Variants in CNTN4 observed in about 807,000 individuals in gnomAD.
CNTN4 encodes contactin 4, also known as contactin-4.
In CNTN4, 77 loss-of-function variants were observed where a neutral mutation model predicts 122.5. The ratio of observed to expected loss-of-function variants is 0.63; its 90% CI spans 0.52 to 0.76. The LOEUF (loss-of-function observed/expected upper bound fraction) is 0.76. CNTN4 is among the 30% of genes least tolerant of loss of function. The pLI, the probability that CNTN4 is intolerant of heterozygous loss-of-function variation, is 0.00. For synonymous variants in CNTN4, 512 were observed against 447.0 expected (o/e 1.15, Z -1.83); for missense variants, 1,256 against 1,259.1 (o/e 1.00, Z 0.04).
chr3:2,338,977 C>T (rs898611397), intron 2 of CNTN4, among the ~76,000 whole-genome samples: 5 of 150,436 alleles, frequency 3.3e-5, no homozygotes, highest in Admixed American at 6.6e-5. Flanking sequence ...GGAGGCAAGG[C>T]GGAGAATGGA....
At chr3:2,310,622 A>G (rs1484572365) in intron 2 of CNTN4, among the ~76,000 whole-genome samples, 1 of 152,110 alleles carries the variant, frequency 6.6e-6, no homozygotes, top group African/African-American at 2.4e-5. Context: ...AACCTACACC[A>G]TTACTTGTTC....
chr3:2,705,969 A>G (rs963565224), intron 4 of CNTN4, among the ~76,000 whole-genome samples: 30 of 133,390 alleles, frequency 2.2e-4, no homozygotes, highest in African/African-American at 7.8e-4. Context: ...TATATAAAAT[A>G]TATATTATAT....
chr3:2,651,238 T>G (rs1488534499), intron 4 of CNTN4, among the ~76,000 whole-genome samples: 1 of 152,166 alleles, frequency 6.6e-6, no homozygotes. Flanking sequence ...TGAGCCTCTT[T>G]CCTTGCAGTG....
In CNTN4 at chr3:2,565,111, A is replaced by G. The variant is rs147561864; in HGVS notation, c.-88-6305A>G. 8.0e-3 allele frequency among the ~76,000 whole-genome samples: 1,216 copies of G among 152,250 alleles called. 20 individuals carry two copies. The highest frequency in any genetic ancestry group is 0.028 in the African/African-American group (1,151 of 41,556). ...TGATATTATGATGGAAACGGTGTCT[A>G]AATCAACCATTGGGTAGGTGAGTAT... On this transcript the variant is annotated intron_variant, in intron 3 of 24. Transcript: ENST00000418658.
intron 3 of CNTN4, among the ~76,000 whole-genome samples, chr3:2,380,587 C>T (rs2045980782): frequency 6.6e-6 from 1 of 152,200 alleles, no homozygotes; most frequent in Non-Finnish European, 1.5e-5. Flanking sequence ...TCCCACTTTA[C>T]ACTGAGTAGA....
chr3:2,701,234 C>T (rs1164297637), intron 4 of CNTN4, among the ~76,000 whole-genome samples: 1 of 152,114 alleles, frequency 6.6e-6, no homozygotes, highest in African/African-American at 2.4e-5. Context: ...TGGACATAGG[C>T]AGGAAGAGCC....
chr3:2,363,821 T>G (rs542908351), intron 3 of CNTN4, among the ~76,000 whole-genome samples: 74 of 152,314 alleles, frequency 4.9e-4, no homozygotes, highest in African/African-American at 1.8e-3. Context: ...ATAGCAAGCT[T>G]CATAAAGCAT....
chr3:2,747,327 G>T (rs10865814), intron 6 of CNTN4, among the ~76,000 whole-genome samples: 103,996 of 149,470 alleles, frequency 0.7, 37,180 homozygotes, highest in Non-Finnish European at 0.78. Flanking sequence ...GAGAATGGCG[G>T]GAACCCGGGA....
intron 3 of CNTN4, among the ~76,000 whole-genome samples, chr3:2,486,192 C>T (rs2076156590): frequency 2.0e-5 from 3 of 152,076 alleles, no homozygotes; most frequent in Admixed American, 6.5e-5. Flanking sequence ...CTGAAGCCCG[C>T]GAGATCAGGA....
intron 4 of CNTN4, among the ~76,000 whole-genome samples, chr3:2,629,843 C>T (rs532923846): frequency 6.4e-4 from 97 of 152,274 alleles, no homozygotes; most frequent in African/African-American, 2.3e-3. Context: ...AGTTATGCCA[C>T]AAACTAGTAT....
intron 4 of CNTN4, among the ~76,000 whole-genome samples, chr3:2,576,204 T>A (rs545296384): frequency 2.0e-5 from 3 of 152,184 alleles, no homozygotes; most frequent in Admixed American, 1.3e-4. Context: ...GATATTTCTG[T>A]CCTTTTAGTT....
At chr3:2,557,782 G>A (rs2078782787) in intron 3 of CNTN4, among the ~76,000 whole-genome samples, 1 of 150,854 alleles carries the variant, frequency 6.6e-6, no homozygotes, top group Non-Finnish European at 1.5e-5. Context: ...TGGTAATCTT[G>A]GTTCTTTTCA....
chr3:2,540,417 G>A (rs899883585), intron 3 of CNTN4, among the ~76,000 whole-genome samples: 4 of 152,104 alleles, frequency 2.6e-5, no homozygotes, highest in African/African-American at 7.2e-5. Flanking sequence ...GAAAGCGGCC[G>A]ACTGAGAGAG....
chr3:2,485,114 G>C (rs141542895), intron 3 of CNTN4, among the ~76,000 whole-genome samples: 6 of 152,190 alleles, frequency 3.9e-5, no homozygotes, highest in African/African-American at 1.2e-4. Flanking sequence ...TGCTGCGCTC[G>C]AATTCCCGCC....
intron 2 of CNTN4, among the ~76,000 whole-genome samples, chr3:2,150,972 C>T (rs1045390504): frequency 6.6e-6 from 1 of 152,092 alleles, no homozygotes; most frequent in Non-Finnish European, 1.5e-5. Context: ...CGGGAACTAT[C>T]GTAAGTAAGT....
At chr3:3,015,545 A>G (rs1574829249) in intron 14 of CNTN4, among the ~76,000 whole-genome samples, 1 of 152,246 alleles carries the variant, frequency 6.6e-6, no homozygotes, top group East Asian at 1.9e-4. Context: ...GCTTTAGAAT[A>G]TGCGAATTAT....
intron 2 of CNTN4, among the ~76,000 whole-genome samples, chr3:2,117,271 A>C (rs531311436): frequency 6.6e-6 from 1 of 152,328 alleles, no homozygotes; most frequent in South Asian, 2.1e-4. Context: ...TTACTGGTTT[A>C]TTATAAAGGA....
chr3:2,333,755 T>A (rs1350824658), intron 2 of CNTN4, among the ~76,000 whole-genome samples: 7 of 152,190 alleles, frequency 4.6e-5, no homozygotes, highest in Non-Finnish European at 7.3e-5. Flanking sequence ...TTAAATGTAA[T>A]CTGTTGCTTA....
chr3:2,135,614 T>TA (rs2034654008), intron 2 of CNTN4, among the ~76,000 whole-genome samples: 1 of 151,558 alleles, frequency 6.6e-6, no homozygotes, highest in Non-Finnish European at 1.5e-5. Context: ...GTAATGGAGC[T>TA]AAAGTGTGGG....
Sources: gnomAD v4.1 joint callset for allele counts (sites outside exome capture counted in the v4.1 genomes callset) on GRCh38, gnomAD v4.1.1 for gene constraint, MANE v1.5 for transcripts, NCBI Gene and HGNC (gene_info 2026-07-23, HGNC 2026-07-21) for gene names.